Variants in TBC1D12 observed in about 807,000 individuals in gnomAD.
TBC1D12 encodes TBC1 domain family, member 12.
TBC1D12 carries 56 observed loss-of-function variants against 86.7 expected under a neutral mutation model. That is an observed-to-expected ratio of 0.65 (90% CI 0.52 to 0.81). The LOEUF is 0.81. TBC1D12 is among the 30% of genes least tolerant of loss of function. The pLI is 0.00. For synonymous variants in TBC1D12, 421 were observed against 411.7 expected, an observed-to-expected ratio of 1.02 and a Z score of -0.27; for missense variants, 1,023 against 1,038.8, an observed-to-expected ratio of 0.98 and a Z score of 0.21.
At chr10:94,514,590 A>G (rs111597836) in intron 9 of TBC1D12, among the ~76,000 whole-genome samples, 32 of 152,350 alleles carry the variant, frequency 2.1e-4, no homozygotes, top group African/African-American at 7.0e-4. Context: ...TTCCCAAACG[A>G]CATAATTTCT....
chr10:94,436,284 C>T (rs1012799824), intron 1 of TBC1D12, among the ~76,000 whole-genome samples: 28 of 151,768 alleles, frequency 1.8e-4, no homozygotes, highest in Non-Finnish European at 3.1e-4. Flanking sequence ...TACAGGCGCG[C>T]GCCACCACGC....
At chr10:94,523,400 C>T (rs1677187227) in intron 11 of TBC1D12, among the ~76,000 whole-genome samples, 1 of 151,970 alleles carries the variant, frequency 6.6e-6, no homozygotes, top group Non-Finnish European at 1.5e-5. Context: ...TTATTATTAA[C>T]ACACAAGGGC....
At chr10:94,403,767 G>T (rs946731322) in intron 1 of TBC1D12, among the ~76,000 whole-genome samples, 183 bp downstream of exon 1, 2 of 152,170 alleles carry the variant, frequency 1.3e-5, no homozygotes, top group African/African-American at 4.8e-5. Flanking sequence ...GAACTGGGTC[G>T]GCTTTGTGTT....
chr10:94,486,135 TC>T (rs2056157858), intron 3 of TBC1D12, among the ~76,000 whole-genome samples: 8 of 129,180 alleles, frequency 6.2e-5, no homozygotes, highest in South Asian at 2.8e-4. Context: ...TTCTTCTTCT[TC>T]TTCTTTTTTT....
intron 9 of TBC1D12, among the ~76,000 whole-genome samples, chr10:94,512,046 C>T (rs568551431): frequency 4.9e-4 from 74 of 152,234 alleles, no homozygotes; most frequent in South Asian, 1.4e-3. Flanking sequence ...GGATTTGCTC[C>T]TTATACAGAC....
chr10:94,495,110 G>A (rs564901055), intron 4 of TBC1D12, among the ~76,000 whole-genome samples: 1 of 150,826 alleles, frequency 6.6e-6, no homozygotes, highest in Non-Finnish European at 1.5e-5. Context: ...TGTGACCTCC[G>A]CTGCCTGGGT....
intron 1 of TBC1D12, among the ~76,000 whole-genome samples, chr10:94,431,401 C>T (rs1325095103): frequency 3.6e-5 from 5 of 138,682 alleles, no homozygotes; most frequent in Non-Finnish European, 7.7e-5. Context: ...GGTGATAGAG[C>T]AAGACTCTTA....
chr10:94,437,040 A>T (rs1192995905), intron 1 of TBC1D12, among the ~76,000 whole-genome samples: 1 of 150,754 alleles, frequency 6.6e-6, no homozygotes, highest in Non-Finnish European at 1.5e-5. Flanking sequence ...TTTGTTGGAT[A>T]TGGAATTTTT....
intron 1 of TBC1D12, among the ~76,000 whole-genome samples, chr10:94,417,155 G>A (rs915892311): frequency 1.3e-5 from 2 of 152,186 alleles, no homozygotes; most frequent in Non-Finnish European, 2.9e-5. Flanking sequence ...CAGATGATTT[G>A]CAACTTGAGA....
At chr10:94,529,654 C>T (rs1354525124) in intron 11 of TBC1D12, among the ~76,000 whole-genome samples, 2 of 152,068 alleles carry the variant, frequency 1.3e-5, no homozygotes, top group East Asian at 1.9e-4. Flanking sequence ...CTCTTCCCGT[C>T]CCCCAAGAGC....
chr10:94,495,196 G>A (rs952736281), intron 4 of TBC1D12, among the ~76,000 whole-genome samples: 1 of 151,790 alleles, frequency 6.6e-6, no homozygotes, highest in Non-Finnish European at 1.5e-5. Flanking sequence ...GCTAATTTTT[G>A]TATTTTTAAT....
intron 10 of TBC1D12, 82 bp downstream of exon 10, chr10:94,522,165 CAATCT>C (rs1370638702): frequency 6.8e-7 from 1 of 1,478,752 alleles, no homozygotes. Context: ...AAGGCCAAAA[CAATCT>C]AATCTAATAT....
intron 5 of TBC1D12, among the ~76,000 whole-genome samples, chr10:94,497,699 T>G (rs79127821): frequency 1.3e-5 from 2 of 149,256 alleles, no homozygotes; most frequent in Admixed American, 1.4e-4. Context: ...TTTTTTTTTT[T>G]TGTATTTTTA....
intron 11 of TBC1D12, among the ~76,000 whole-genome samples, chr10:94,522,656 G>A (rs1017979496): frequency 9.9e-5 from 15 of 152,106 alleles, no homozygotes; most frequent in Non-Finnish European, 2.1e-4. Flanking sequence ...GCTCATGTCT[G>A]TAATCCGAGC....
chr10:94,442,209 T>A (rs1043594649), intron 2 of TBC1D12, among the ~76,000 whole-genome samples, 190 bp downstream of exon 2: 1 of 152,078 alleles, frequency 6.6e-6, no homozygotes, highest in Non-Finnish European at 1.5e-5. Flanking sequence ...TCATATATTT[T>A]CTGTTATCTT....
chr10:94,431,765 C>G (rs1386893933), intron 1 of TBC1D12, among the ~76,000 whole-genome samples: 1 of 152,140 alleles, frequency 6.6e-6, no homozygotes, highest in Non-Finnish European at 1.5e-5. Flanking sequence ...CAGAGAGGTA[C>G]AGAGGTAACT....
rs1272501714 is a variant in TBC1D12 at position 94,535,503 on chromosome 10, A to G, written c.*2407A>G. 1 of 152,080 alleles carries G rather than the reference A, an allele frequency of 6.6e-6. No individual in the cohort carries two copies. The highest frequency in any genetic ancestry group is 1.5e-5 in the Non-Finnish European group (1 of 67,986). 9.4% of individuals were successfully genotyped at this position (152,080 alleles called of 1,614,324 possible). A position where few individuals can be genotyped will look rare whatever the true frequency, so the allele number is the denominator to read the frequency against. On this transcript the variant is annotated 3_prime_UTR_variant, in exon 13 of 13. Transcript: ENST00000225235. Reference sequence around the variant, plus strand: ...TAGGGTGTCCATATATTTTTACCCCATGGGTCATTCTAGTCTAAGGACTAC... The same window carrying G: ...TAGGGTGTCCATATATTTTTACCCCGTGGGTCATTCTAGTCTAAGGACTAC...
intron 1 of TBC1D12, among the ~76,000 whole-genome samples, chr10:94,414,657 T>C (rs1462588631): frequency 1.3e-5 from 2 of 148,686 alleles, no homozygotes; most frequent in African/African-American, 5.0e-5. Flanking sequence ...TGGAGTACAG[T>C]GGTGCGATCT....
At chr10:94,529,911 G>A (rs2134236716) in intron 11 of TBC1D12, among the ~76,000 whole-genome samples, 1 of 152,226 alleles carries the variant, frequency 6.6e-6, no homozygotes, top group South Asian at 2.1e-4. Context: ...TTTGAACAGG[G>A]AGTTTTATAC....
Sources: gnomAD v4.1 joint callset for allele counts (sites outside exome capture counted in the v4.1 genomes callset) on GRCh38, gnomAD v4.1.1 for gene constraint, MANE v1.5 for transcripts, NCBI Gene and HGNC (gene_info 2026-07-23, HGNC 2026-07-21) for gene names.